ARHGEF10L: variants seen among roughly 807,000 people sequenced by gnomAD.
ARHGEF10L encodes Rho guanine nucleotide exchange factor 10 like.
ARHGEF10L carries 69 observed loss-of-function variants against 141.2 expected under a neutral mutation model. The observed-to-expected ratio is 0.49, with a 90% CI of 0.40 to 0.60. The LOEUF is 0.60. Ranked by LOEUF, ARHGEF10L falls within the 20% of genes least tolerant of loss-of-function variation. The pLI is 0.00. For synonymous variants in ARHGEF10L, 711 were observed against 718.5 expected, an observed-to-expected ratio of 0.99 and a Z score of 0.17; for missense variants, 1,482 against 1,734.3, an observed-to-expected ratio of 0.85 and a Z score of 2.58.
At chr1:17,661,271 T>C (rs1489869585) in intron 25 of ARHGEF10L, among the ~76,000 whole-genome samples, 1 of 152,074 alleles carries the variant, frequency 6.6e-6, no homozygotes, top group South Asian at 2.1e-4. Context: ...AGAGAAGGGG[T>C]TTCACCATGT....
intron 26 of ARHGEF10L, among the ~76,000 whole-genome samples, chr1:17,681,066 C>A (rs927116418): frequency 3.3e-5 from 5 of 152,164 alleles, no homozygotes; most frequent in African/African-American, 1.2e-4. Context: ...AGCCACTACG[C>A]CTGGTCCCCC....
Position 17,603,576 on chromosome 1 carries a change from G to T in ARHGEF10L, c.418G>T (p.Asp140Tyr). 6.2e-7 allele frequency: 1 copy of T among 1,613,314 alleles called. No individual in the cohort carries two copies. Among genetic ancestry groups the T allele is most frequent in the Non-Finnish European group, 8.5e-7 (1 of 1,179,654 alleles). Reference sequence around the variant, plus strand: ...TGACGACGTCCCCTGCGAGAGCCCAGATGCGCATCAGCCCGGTATGATGTC... The same window carrying T: ...TGACGACGTCCCCTGCGAGAGCCCATATGCGCATCAGCCCGGTATGATGTC... ...IYDDVPCESP[D>Y]AHQPGAERNL... The change falls in exon 6 of 29, where the codon GAT becomes TAT. Residue 140 changes from aspartate (D) to tyrosine (Y), a missense_variant. Around this residue, in one of 3 missense-constraint regions of ARHGEF10L, gnomAD observed 232 missense variants for 225.9 expected, o/e 1.03. Transcript: ENST00000361221. This position sits in a 1 kb window ranked among gnomAD's most constrained non-coding sequence, Gnocchi z 4.8.
chr1:17,683,285 G>T (rs1451516446), intron 26 of ARHGEF10L, among the ~76,000 whole-genome samples: 1 of 96,854 alleles, frequency 1.0e-5, no homozygotes, highest in Non-Finnish European at 2.1e-5. Context: ...GCTCTCACCG[G>T]GGTGCTCACT....
intron 27 of ARHGEF10L, chr1:17,689,974 C>G: frequency 2.6e-6 from 1 of 381,630 alleles, no homozygotes; most frequent in Non-Finnish European, 5.2e-6. Flanking sequence ...GTCTTACTTA[C>G]TCTTTGCAGT....
chr1:17,590,309 G>T (rs1175011919), intron 4 of ARHGEF10L, among the ~76,000 whole-genome samples: 1 of 152,132 alleles, frequency 6.6e-6, no homozygotes, highest in African/African-American at 2.4e-5. Flanking sequence ...TGATCTCTGA[G>T]CTCTTGGGAG....
chr1:17,536,581 C>T (rs1055915577), upstream of ARHGEF10L, among the ~76,000 whole-genome samples: 11 of 152,120 alleles, frequency 7.2e-5, no homozygotes, highest in African/African-American at 2.2e-4. Context: ...TGAGGGCTGG[C>T]CTGGACTGTG....
chr1:17,682,874 G>C (rs553579735), intron 26 of ARHGEF10L, among the ~76,000 whole-genome samples: 10 of 152,172 alleles, frequency 6.6e-5, no homozygotes, highest in Non-Finnish European at 1.5e-4. Flanking sequence ...GTCTGGAGGT[G>C]CTTGGCCTGG....
intron 28 of ARHGEF10L, 53 bp from the exon 29 acceptor site, chr1:17,696,795 C>T (rs2270979): frequency 0.82 from 1,211,906 of 1,486,266 alleles, 496,207 homozygotes; most frequent in South Asian, 0.89. Context: ...CAGGTGCTTC[C>T]CTTAATGCGC....
chr1:17,693,908 T>C (rs1243093185), intron 27 of ARHGEF10L: 1 of 152,144 alleles, frequency 6.6e-6, no homozygotes, highest in Admixed American at 6.5e-5. Context: ...CCTAAGGAAG[T>C]GTGGCAGCGC....
At chr1:17,662,649 G>A (rs1215065669) in intron 25 of ARHGEF10L, among the ~76,000 whole-genome samples, 1 of 150,526 alleles carries the variant, frequency 6.6e-6, no homozygotes, top group Non-Finnish European at 1.5e-5. Context: ...GGGAGGGAGG[G>A]AAAACTGGGC....
intron 20 of ARHGEF10L, among the ~76,000 whole-genome samples, chr1:17,638,952 C>A (rs867418377): frequency 4.6e-5 from 7 of 152,232 alleles, no homozygotes; most frequent in African/African-American, 1.7e-4. Context: ...GATACTCAGA[C>A]ACTCTGCCAT....
chr1:17,683,146 G>A (rs529039632), intron 26 of ARHGEF10L, among the ~76,000 whole-genome samples: 23 of 140,234 alleles, frequency 1.6e-4, no homozygotes, highest in African/African-American at 4.8e-4. Flanking sequence ...CTCTCACCGC[G>A]GTGCTCACTG....
intron 1 of ARHGEF10L, among the ~76,000 whole-genome samples, chr1:17,552,396 A>G (rs924612712): frequency 6.6e-6 from 1 of 151,636 alleles, no homozygotes; most frequent in Non-Finnish European, 1.5e-5. Context: ...TCTTGTTTCA[A>G]TCTATCTTTT....
chr1:17,626,093 GTGGGC>G, intron 14 of ARHGEF10L, 45 bp downstream of exon 14: 1 of 1,592,576 alleles, frequency 6.3e-7, no homozygotes, highest in South Asian at 1.1e-5. Context: ...GGGTTTGCCT[GTGGGC>G]TGGGAGGTGC....
At position 17,600,575 on chromosome 1, in the gene ARHGEF10L, C is replaced by T. The variant is rs150471704; in HGVS notation, c.258-1552C>T. Among the ~76,000 whole-genome samples, 1,079 of 152,296 alleles carry T rather than the reference C, an allele frequency of 7.1e-3. 12 individuals carry two copies. Among genetic ancestry groups the T allele is most frequent in the African/African-American group, 0.024 (1,011 of 41,558 alleles). On this transcript the variant is annotated intron_variant, in intron 4 of 28. Transcript: ENST00000361221. ...TTGTCAAAGCTGAGACCTACGTTGG[C>T]ACATTACCATTCACTAAACAGATTT...
chr1:17,695,947 A>G (rs572105765), intron 28 of ARHGEF10L, among the ~76,000 whole-genome samples: 50 of 152,302 alleles, frequency 3.3e-4, no homozygotes, highest in African/African-American at 1.1e-3. Flanking sequence ...CTGTAATCCT[A>G]GCACTTTGGG....
At chr1:17,521,579 C>T in the ARHGEF10L span, among the ~76,000 whole-genome samples, 1 of 152,228 alleles carries the variant, frequency 6.6e-6, no homozygotes, top group Non-Finnish European at 1.5e-5. Flanking sequence ...TAACAAAGCA[C>T]AGTAGGTGTG....
chr1:17,560,217 C>CA (rs2077491816), intron 1 of ARHGEF10L, among the ~76,000 whole-genome samples: 1 of 152,132 alleles, frequency 6.6e-6, no homozygotes, highest in Non-Finnish European at 1.5e-5. Context: ...ATCTATTTTA[C>CA]AGCAGAGGAG....
At chr1:17,599,200 G>A (rs970711361) in intron 4 of ARHGEF10L, among the ~76,000 whole-genome samples, 8 of 152,148 alleles carry the variant, frequency 5.3e-5, no homozygotes, top group Admixed American at 2.6e-4. Flanking sequence ...GGTGGGCATA[G>A]TGGCGCGTGC....
Sources: allele counts gnomAD v4.1 joint callset (sites outside exome capture counted in the v4.1 genomes callset), GRCh38; gene constraint gnomAD v4.1.1; regional missense constraint gnomAD v4.1.1; non-coding constraint Gnocchi (gnomAD v3.1); transcripts MANE v1.5; gene names NCBI Gene and HGNC (gene_info 2026-07-23, HGNC 2026-07-21).